The following KCNA2 variants were observed in gnomAD, a reference collection of about 807,000 sequenced individuals.
The protein encoded by KCNA2 is potassium channel, voltage gated shaker related subfamily A, member 2.
KCNA2 carries 11 observed loss-of-function variants against 33.4 expected under a neutral mutation model. The ratio of observed to expected loss-of-function variants is 0.33; its 90% CI spans 0.21 to 0.55. The LOEUF (loss-of-function observed/expected upper bound fraction) is 0.55, where lower values mean the gene tolerates loss of function less well. KCNA2 is among the 20% of genes least tolerant of loss of function. The probability of loss-of-function intolerance (pLI) is 0.93; values close to 1 mark genes in which losing one functional copy is unlikely to be tolerated. For missense variants in KCNA2, 291 were observed against 621.6 expected, an observed-to-expected ratio of 0.47 and a Z score of 5.66; for synonymous variants, 222 against 231.3, an observed-to-expected ratio of 0.96 and a Z score of 0.37.
chr1:110,609,441 A>G (rs1649796122), upstream of KCNA2, among the ~76,000 whole-genome samples: 1 of 152,236 alleles, frequency 6.6e-6, no homozygotes, highest in South Asian at 2.1e-4. Flanking sequence ...TTCATTGGAA[A>G]GGAAATGGAG....
chr1:110,611,717 T>A (rs1649878731), intron 1 of KCNA2, among the ~76,000 whole-genome samples: 2 of 136,196 alleles, frequency 1.5e-5, no homozygotes, highest in African/African-American at 2.9e-5. Flanking sequence ...CAGAGCAAGA[T>A]CCTGTCTTGA....
Position 110,602,003 on chromosome 1 carries a change from A to G in KCNA2, c.*1280T>C. The G allele has an allele frequency of 6.5e-7, 1 of 1,546,192 alleles. No individual in the cohort carries two copies. Among genetic ancestry groups the G allele is most frequent in the Non-Finnish European group, 8.7e-7 (1 of 1,144,468 alleles). On this transcript the variant is annotated 3_prime_UTR_variant, in exon 3 of 3. Transcript: ENST00000316361. ...CGCGTGAAAGAGAGATACTCGATAT[A>G]TATTTATATACACTGGATCCACAGA...
rs1649567438 is a variant in KCNA2 at position 110,605,642 on chromosome 1, G to A, written c.-415C>T. 1 of 152,530 alleles carries A rather than the reference G, an allele frequency of 6.6e-6. No homozygotes were observed. Among genetic ancestry groups the A allele is most frequent in the Admixed American group, 6.5e-5 (1 of 15,292 alleles). 9.4% of individuals were successfully genotyped at this position (152,530 alleles called of 1,614,324 possible). A position where few individuals can be genotyped will look rare whatever the true frequency, so the allele number is the denominator to read the frequency against. On this transcript the variant is annotated 5_prime_UTR_variant, in exon 2 of 3. Coordinates refer to ENST00000316361, the MANE Select transcript of KCNA2 (RefSeq NM_004974.4). ...TTGAAGACAGCCGAGCATGGGCCTG[G>A]AGCCTTTTGAAGGAAGGAGGCAAGA...
At position 110,603,408 on chromosome 1, in the gene KCNA2, T is replaced by C. The variant is rs371146552; in HGVS notation, c.1375A>G (p.Met459Val). 5.6e-6 allele frequency: 9 copies of C among 1,614,222 alleles called. No individual in the cohort carries two copies. The highest frequency in any genetic ancestry group is 6.8e-6 in the Non-Finnish European group (8 of 1,180,032). ...TTATTTACACCCTCCTGGATCTCCA[T>C]GTAATCAGACTTACTAATGGTAGAG... is the stretch of plus-strand genomic sequence containing the variant. ...SASTISKSDY[M>V]EIQEGVNNSN... Residue 459 changes from methionine to valine, a missense_variant, in exon 3 of 3, where the codon ATG (methionine) becomes GTG (valine). Transcript: ENST00000316361. This position sits in a 1 kb window ranked among gnomAD's most constrained non-coding sequence, Gnocchi z 5.7.
intron 1 of KCNA2, among the ~76,000 whole-genome samples, chr1:110,622,795 C>T (rs1230399467): frequency 1.3e-5 from 2 of 152,144 alleles, no homozygotes; most frequent in African/African-American, 2.4e-5. Context: ...AAGACCTATA[C>T]ACTGAAAATT....
chr1:110,612,922 C>T (rs934892635), intron 1 of KCNA2, among the ~76,000 whole-genome samples: 4 of 152,232 alleles, frequency 2.6e-5, no homozygotes, highest in Non-Finnish European at 5.9e-5. Flanking sequence ...GCCCCTCCTC[C>T]ACTGCTTGCC....
At chr1:110,609,713 C>G (rs1649805760), upstream of KCNA2, among the ~76,000 whole-genome samples, 1 of 152,034 alleles carries the variant, frequency 6.6e-6, no homozygotes, top group Admixed American at 6.5e-5. Context: ...AAGAAATTAA[C>G]TAAAGAAGGG....
At chr1:110,625,385 G>A (rs1026742226) in intron 1 of KCNA2, among the ~76,000 whole-genome samples, 1 of 152,156 alleles carries the variant, frequency 6.6e-6, no homozygotes, top group Admixed American at 6.5e-5. Context: ...AACAATGAGA[G>A]TAGGGATGGC....
chr1:110,609,642 G>C (rs4839538), upstream of KCNA2, among the ~76,000 whole-genome samples: 35,321 of 152,036 alleles, frequency 0.23, 6,521 homozygotes, highest in African/African-American at 0.47. Context: ...TTGTGACTTG[G>C]CCTCAGGGGT....
rs939793141 is a variant in KCNA2 at position 110,602,238 on chromosome 1, T to A, written c.*1045A>T. The A allele has an allele frequency of 7.7e-7, 1 of 1,293,000 alleles. No individual in the cohort carries two copies. Among genetic ancestry groups the A allele is most frequent in the Non-Finnish European group, 9.9e-7 (1 of 1,008,974 alleles). 80.1% of individuals were successfully genotyped at this position (1,293,000 alleles called of 1,614,324 possible). A position where few individuals can be genotyped will look rare whatever the true frequency, so the allele number is the denominator to read the frequency against. On this transcript the variant is annotated 3_prime_UTR_variant, in exon 3 of 3. Transcript: ENST00000316361. The stretch of plus-strand genomic sequence containing the variant: ...TTTTAGTTCCATTCCAAATAGTCTA[T>A]TTTTTTTCCCCTGATGGAGGGATTT...
At chr1:110,622,503 A>G (rs1156940099) in intron 1 of KCNA2, among the ~76,000 whole-genome samples, 1 of 152,126 alleles carries the variant, frequency 6.6e-6, no homozygotes, top group Admixed American at 6.5e-5. Context: ...ACAATAAGGT[A>G]AGGAAAAGAA....
Position 110,594,474 on chromosome 1 carries a change from T to A in KCNA2, c.*8809A>T, listed in dbSNP as rs773305142. ...TATGTCCCTGATGAAAACTAGAGAATCTTCCTTGATTGCTGGCACCATTAA... is the reference window on the plus strand; with the variant it reads ...TATGTCCCTGATGAAAACTAGAGAAACTTCCTTGATTGCTGGCACCATTAA... On this transcript the variant is annotated 3_prime_UTR_variant, in exon 3 of 3. Coordinates refer to ENST00000316361, the MANE Select transcript of KCNA2 (RefSeq NM_004974.4). 72 of 985,232 alleles carry A rather than the reference T, an allele frequency of 7.3e-5. No individual in the cohort carries two copies. Among genetic ancestry groups the A allele is most frequent in the Non-Finnish European group, 8.3e-5 (69 of 829,948 alleles). The allele number at this position is 985,232 out of a possible 1,614,324, so 61.0% of individuals were successfully genotyped here.
chr1:110,622,267 G>A (rs1650277841), intron 1 of KCNA2, among the ~76,000 whole-genome samples: 1 of 152,006 alleles, frequency 6.6e-6, no homozygotes, highest in Admixed American at 6.5e-5. Flanking sequence ...TTAATAGACA[G>A]AGAAAAATGT....
chr1:110,613,651 CAGG>C (rs1324984248), intron 1 of KCNA2, among the ~76,000 whole-genome samples: 5 of 152,190 alleles, frequency 3.3e-5, no homozygotes. Context: ...TCACTACTAC[CAGG>C]AGGAGGATGC....
At chr1:110,616,889 C>G (rs1179150222) in intron 1 of KCNA2, among the ~76,000 whole-genome samples, 2 of 152,218 alleles carry the variant, frequency 1.3e-5, no homozygotes, top group African/African-American at 4.8e-5. Context: ...GCAGAATTGT[C>G]AACAATTGAC....
Position 110,599,663 on chromosome 1 carries a change from A to C in KCNA2, c.*3620T>G. ...AAGCTGCAAAGGATGGAAGGGCAATAAAATCTGTGGGCTTAGAGAATGTTG... is the reference window on the plus strand; with the variant it reads ...AAGCTGCAAAGGATGGAAGGGCAATCAAATCTGTGGGCTTAGAGAATGTTG... On this transcript the variant is annotated 3_prime_UTR_variant, in exon 3 of 3. Transcript: ENST00000316361. 19 of 985,472 alleles carry C rather than the reference A, an allele frequency of 1.9e-5. No individual in the cohort carries two copies. Among genetic ancestry groups the C allele is most frequent in the Non-Finnish European group, 2.3e-5 (19 of 829,948 alleles). The allele number at this position is 985,472 out of a possible 1,614,324, so 61.0% of individuals were successfully genotyped here.
At position 110,600,088 on chromosome 1, in the gene KCNA2, G is replaced by A; in HGVS notation, c.*3195C>T. 1.0e-6 allele frequency: 1 copy of A among 984,984 alleles called. No homozygotes were observed. Among genetic ancestry groups the A allele is most frequent in the Non-Finnish European group, 1.2e-6 (1 of 829,854 alleles). 61.0% of individuals were successfully genotyped at this position (984,984 alleles called of 1,614,324 possible). A position where few individuals can be genotyped will look rare whatever the true frequency, so the allele number is the denominator to read the frequency against. On this transcript the variant is annotated 3_prime_UTR_variant, in exon 3 of 3. Coordinates refer to ENST00000316361, the MANE Select transcript of KCNA2 (RefSeq NM_004974.4). Reference sequence around the variant, plus strand: ...AGAAAGAGATTCCTTGAAAGATCCTGGGGGATATAGACACAGGCCAGGCAA... The same window carrying A: ...AGAAAGAGATTCCTTGAAAGATCCTAGGGGATATAGACACAGGCCAGGCAA...
In KCNA2 at chr1:110,597,503, C is replaced by T. The variant is rs1031275378; in HGVS notation, c.*5780G>A. 3.0e-6 allele frequency: 3 copies of T among 985,212 alleles called. No homozygotes were observed. The African/African-American group carries it at 5.2e-5, about 17-fold the overall frequency. The allele number at this position is 985,212 out of a possible 1,614,324, so 61.0% of individuals were successfully genotyped here. A position where few individuals can be genotyped will look rare whatever the true frequency, so the allele number is the denominator to read the frequency against. Reference sequence around the variant, plus strand: ...CAGAGGGAGAGGGGACAGAGACACACATGGAGACAGAGAGGTGCACACAGG... The same window carrying T: ...CAGAGGGAGAGGGGACAGAGACACATATGGAGACAGAGAGGTGCACACAGG... On this transcript the variant is annotated 3_prime_UTR_variant, in exon 3 of 3. Coordinates refer to ENST00000316361, the MANE Select transcript of KCNA2 (RefSeq NM_004974.4).
At position 110,597,345 on chromosome 1, in the gene KCNA2, C is replaced by T. The variant is rs976218136; in HGVS notation, c.*5938G>A. On this transcript the variant is annotated 3_prime_UTR_variant, in exon 3 of 3. Transcript: ENST00000316361. ...ATTCTTATCTATTGGGAAGTGCTTT[C>T]GTGTAGGCTTCCATTACATCTGCCA... is the stretch of plus-strand genomic sequence containing the variant. 2 of 985,224 alleles carry T rather than the reference C, an allele frequency of 2.0e-6. No individual in the cohort carries two copies. The highest frequency in any genetic ancestry group is 4.7e-5 in the South Asian group (1 of 21,282). The allele number at this position is 985,224 out of a possible 1,614,324, so 61.0% of individuals were successfully genotyped here.
Sources: allele counts gnomAD v4.1 joint callset (sites outside exome capture counted in the v4.1 genomes callset), GRCh38; gene constraint gnomAD v4.1.1; non-coding constraint Gnocchi (gnomAD v3.1); transcripts MANE v1.5; gene names NCBI Gene and HGNC (gene_info 2026-07-23, HGNC 2026-07-21).